Variants in DENND4C observed in about 807,000 individuals in gnomAD.
DENND4C encodes the protein DENN domain containing 4C, also known as DENN domain-containing protein 4C.
Under a neutral mutation model 203.0 loss-of-function variants are expected in DENND4C, and 108 were observed. The ratio of observed to expected loss-of-function variants is 0.53; its 90% CI spans 0.46 to 0.62. DENND4C has a LOEUF of 0.62. Ranked by LOEUF, DENND4C falls within the 20% of genes least tolerant of loss-of-function variation. DENND4C has a pLI of 0.00. For missense variants in DENND4C, 2,481 were observed against 2,301.2 expected, an observed-to-expected ratio of 1.08 and a Z score of -1.60; for synonymous variants, 871 against 792.4, an observed-to-expected ratio of 1.10 and a Z score of -1.67.
chr9:19,291,949 TGA>T (rs887183879), intron 5 of DENND4C, among the ~76,000 whole-genome samples: 1 of 152,100 alleles, frequency 6.6e-6, no homozygotes, highest in Admixed American at 6.6e-5. Context: ...ATGAAAAAAT[TGA>T]GTCTTCAGGT....
intron 1 of DENND4C, among the ~76,000 whole-genome samples, 196 bp downstream of exon 1, chr9:19,231,029 C>T (rs1379712400): frequency 2.0e-5 from 3 of 152,212 alleles, no homozygotes; most frequent in Non-Finnish European, 2.9e-5. Flanking sequence ...TCCGCGGTTT[C>T]CGGGGGCGGG....
intron 1 of DENND4C, among the ~76,000 whole-genome samples, chr9:19,239,617 G>C (rs769620660): frequency 1.6e-4 from 25 of 152,040 alleles, no homozygotes; most frequent in Admixed American, 3.3e-4. Context: ...CTCCCGAGTA[G>C]CTGGGATTAC....
intron 1 of DENND4C, among the ~76,000 whole-genome samples, chr9:19,272,013 A>C (rs1480095463): frequency 6.6e-6 from 1 of 152,228 alleles, no homozygotes; most frequent in Non-Finnish European, 1.5e-5. Flanking sequence ...AATGGAACAG[A>C]ATAAAGAATC....
intron 21 of DENND4C, among the ~76,000 whole-genome samples, chr9:19,342,065 A>G (rs1454751188): frequency 1.3e-5 from 2 of 149,138 alleles, no homozygotes; most frequent in Non-Finnish European, 3.0e-5. Context: ...CGAAAGTTGC[A>G]GTCAGCCAAT....
chr9:19,308,064 GTTCA>G (rs1360622700), intron 10 of DENND4C, among the ~76,000 whole-genome samples: 33 of 151,996 alleles, frequency 2.2e-4, no homozygotes, highest in African/African-American at 7.7e-4. Context: ...TCTTTGTGAG[GTTCA>G]TTCAGTTCAT....
chr9:19,250,214 G>A (rs899381915), intron 1 of DENND4C, among the ~76,000 whole-genome samples: 8 of 152,014 alleles, frequency 5.3e-5, no homozygotes, highest in Non-Finnish European at 1.2e-4. Flanking sequence ...GGGCTGAGGC[G>A]GGTAGATCAC....
At chr9:19,351,530 G>A (rs977078248) in intron 24 of DENND4C, among the ~76,000 whole-genome samples, 1 of 152,004 alleles carries the variant, frequency 6.6e-6, no homozygotes. Context: ...TGTCCAAACC[G>A]GACACAGTGG....
chr9:19,312,653 T>G (rs560279415), intron 10 of DENND4C, among the ~76,000 whole-genome samples: 1 of 152,230 alleles, frequency 6.6e-6, no homozygotes, highest in African/African-American at 2.4e-5. Context: ...ACTAAAGTTT[T>G]AAAACTCCCA....
intron 30 of DENND4C, among the ~76,000 whole-genome samples, chr9:19,365,765 C>A (rs1275651301): frequency 2.6e-5 from 3 of 117,636 alleles, no homozygotes; most frequent in Non-Finnish European, 6.0e-5. Flanking sequence ...GAGAAATCAA[C>A]TATTTCTATA....
At chr9:19,283,527 C>G (rs1160421435) in intron 2 of DENND4C, among the ~76,000 whole-genome samples, 1 of 151,684 alleles carries the variant, frequency 6.6e-6, no homozygotes, top group Non-Finnish European at 1.5e-5. Flanking sequence ...CTTGCATCAT[C>G]ATTATGTGGT....
At chr9:19,348,017 T>C (rs999573448) in intron 23 of DENND4C, among the ~76,000 whole-genome samples, 3 of 152,258 alleles carry the variant, frequency 2.0e-5, no homozygotes, top group African/African-American at 7.2e-5. Flanking sequence ...TGAAATTGTA[T>C]AGTATTTGAG....
At chr9:19,345,841 A>T (rs1476718221) in intron 22 of DENND4C, 80 bp from the exon 23 acceptor site, 7 of 1,281,908 alleles carry the variant, frequency 5.5e-6, no homozygotes, top group Non-Finnish European at 6.4e-6. Context: ...TCACATTCAT[A>T]ATCAGGAAAA....
At chr9:19,272,617 A>G (rs1831964238) in intron 1 of DENND4C, among the ~76,000 whole-genome samples, 1 of 152,010 alleles carries the variant, frequency 6.6e-6, no homozygotes, top group South Asian at 2.1e-4. Flanking sequence ...AAAAAAATGA[A>G]TCTTCATTTA....
intron 1 of DENND4C, among the ~76,000 whole-genome samples, chr9:19,275,472 A>G (rs1832712283): frequency 6.7e-6 from 1 of 149,946 alleles, no homozygotes; most frequent in Non-Finnish European, 1.5e-5. Flanking sequence ...GTTTATTTTC[A>G]TTTTTATTTA....
intron 10 of DENND4C, among the ~76,000 whole-genome samples, chr9:19,307,506 A>C (rs1443313857): frequency 6.6e-6 from 1 of 151,884 alleles, no homozygotes; most frequent in African/African-American, 2.4e-5. Context: ...ACAGTGGCTC[A>C]TGCCTGTAAT....
intron 1 of DENND4C, among the ~76,000 whole-genome samples, chr9:19,245,359 C>T (rs988799158): frequency 2.3e-4 from 35 of 150,990 alleles, no homozygotes; most frequent in African/African-American, 7.3e-4. Flanking sequence ...CCCAGCTACT[C>T]GGGAGGCTGA....
chr9:19,256,544 A>G (rs999236657), intron 1 of DENND4C, among the ~76,000 whole-genome samples: 2 of 150,734 alleles, frequency 1.3e-5, no homozygotes, highest in South Asian at 2.1e-4. Context: ...CGAGCTCCCA[A>G]CCTCAGGTGA....
intron 9 of DENND4C, among the ~76,000 whole-genome samples, chr9:19,303,334 G>T (rs953126376): frequency 6.6e-6 from 1 of 152,066 alleles, no homozygotes; most frequent in Non-Finnish European, 1.5e-5. Context: ...TAGACAAGGT[G>T]TTTGCAAATG....
At chr9:19,252,111 T>C (rs192962847) in intron 1 of DENND4C, among the ~76,000 whole-genome samples, 87 of 152,296 alleles carry the variant, frequency 5.7e-4, no homozygotes, top group East Asian at 1.7e-3. Context: ...GAAAGGGGTT[T>C]ATTGGACTTA....
Sources: gnomAD v4.1 joint callset for allele counts (sites outside exome capture counted in the v4.1 genomes callset) on GRCh38, gnomAD v4.1.1 for gene constraint, MANE v1.5 for transcripts, NCBI Gene and HGNC (gene_info 2026-07-23, HGNC 2026-07-21) for gene names.